The following CADPS variants were observed in gnomAD, a reference collection of about 807,000 sequenced individuals.
CADPS encodes the protein calcium-dependent secretion activator 1.
In CADPS, 57 loss-of-function variants were observed where a neutral mutation model predicts 167.3. That is an observed-to-expected ratio of 0.34 (90% CI 0.28 to 0.42). The LOEUF (loss-of-function observed/expected upper bound fraction) is 0.42. Ranked by LOEUF, CADPS falls within the 20% of genes least tolerant of loss-of-function variation. The pLI, the probability that CADPS is intolerant of heterozygous loss-of-function variation, is 1.00. For synonymous variants in CADPS, 676 were observed against 635.3 expected (o/e 1.06, Z -0.96); for missense variants, 1,414 against 1,738.1 (o/e 0.81, Z 3.32).
intron 6 of CADPS, among the ~76,000 whole-genome samples, chr3:62,600,993 G>A (rs1054696312): frequency 2.0e-5 from 3 of 152,070 alleles, no homozygotes; most frequent in Non-Finnish European, 4.4e-5. Flanking sequence ...AGTCCTTGAC[G>A]GAAGGATATG....
At chr3:62,430,358 T>C (rs1399608948) in intron 28 of CADPS, among the ~76,000 whole-genome samples, 3 of 152,266 alleles carry the variant, frequency 2.0e-5, no homozygotes, top group East Asian at 1.9e-4. Flanking sequence ...TTCACTGCAA[T>C]AGGGCATCAG....
At chr3:62,517,466 T>A (rs9818412) in intron 14 of CADPS, among the ~76,000 whole-genome samples, 20,648 of 152,204 alleles carry the variant, frequency 0.14, 2,251 homozygotes, top group African/African-American at 0.31. Flanking sequence ...ATGCCACGAG[T>A]TAATACTTCT....
At chr3:62,774,287 T>TA (rs950618229) in intron 1 of CADPS, among the ~76,000 whole-genome samples, 32 of 149,070 alleles carry the variant, frequency 2.1e-4, no homozygotes, top group African/African-American at 6.7e-4. Context: ...CCGATAACAT[T>TA]AAAAAAAAAG....
intron 28 of CADPS, among the ~76,000 whole-genome samples, chr3:62,432,721 C>A (rs1055273423): frequency 9.9e-5 from 15 of 152,130 alleles, no homozygotes; most frequent in Non-Finnish European, 1.9e-4. Flanking sequence ...GATTATCATC[C>A]CTGTTATATA....
At chr3:62,503,556 C>T (rs573839476) in intron 17 of CADPS, among the ~76,000 whole-genome samples, 30 of 152,240 alleles carry the variant, frequency 2.0e-4, no homozygotes, top group African/African-American at 1.9e-4. Flanking sequence ...TATTCTTGCT[C>T]CCTTTGTGGA....
chr3:62,609,717 A>G (rs1011175290), intron 6 of CADPS, among the ~76,000 whole-genome samples: 2 of 152,190 alleles, frequency 1.3e-5, no homozygotes, highest in African/African-American at 4.8e-5. Context: ...AACACATGGT[A>G]TGGCTTGAAT....
At chr3:62,684,866 G>T (rs2077724393) in intron 3 of CADPS, among the ~76,000 whole-genome samples, 1 of 151,890 alleles carries the variant, frequency 6.6e-6, no homozygotes, top group Admixed American at 6.6e-5. Context: ...GACAGTTTCT[G>T]GGAAAGGGGC....
intron 28 of CADPS, chr3:62,403,672 G>T (rs1707252183): frequency 6.6e-6 from 1 of 152,258 alleles, no homozygotes; most frequent in South Asian, 2.1e-4. Context: ...ATTGGGCTGA[G>T]AGCCTTAGGA....
intron 2 of CADPS, 33 bp downstream of exon 2, chr3:62,765,838 G>A: frequency 2.1e-6 from 3 of 1,418,680 alleles, no homozygotes; most frequent in Non-Finnish European, 3.0e-6. Context: ...GGGCTTGAGT[G>A]GTCTTGGCAT....
chr3:62,759,388 A>G (rs960070166), intron 2 of CADPS, among the ~76,000 whole-genome samples: 3 of 152,192 alleles, frequency 2.0e-5, no homozygotes, highest in Admixed American at 2.0e-4. Context: ...GCCATGAAAA[A>G]AGATATATAT....
chr3:62,689,667 T>C (rs1486955384), intron 3 of CADPS, among the ~76,000 whole-genome samples: 2 of 152,120 alleles, frequency 1.3e-5, no homozygotes, highest in African/African-American at 2.4e-5. Context: ...CCTGACATTA[T>C]AGAATTTCTT....
At chr3:62,575,626 A>G (rs1578097059) in intron 8 of CADPS, among the ~76,000 whole-genome samples, 1 of 152,236 alleles carries the variant, frequency 6.6e-6, no homozygotes, top group Admixed American at 6.5e-5. Flanking sequence ...TAACTTTCCT[A>G]GGTTCCACAG....
intron 1 of CADPS, among the ~76,000 whole-genome samples, chr3:62,827,411 T>C (rs910768248): frequency 6.6e-6 from 1 of 152,176 alleles, no homozygotes. Flanking sequence ...TTAACCCTTA[T>C]AACCCCCATG....
At position 62,601,729 on chromosome 3, in the gene CADPS, A is replaced by G. The variant is rs1417933694; in HGVS notation, c.1326-8981T>C. Among the ~76,000 whole-genome samples the G allele has an allele frequency of 6.6e-6, 1 of 152,210 alleles. No individual in the cohort carries two copies. The highest frequency in any genetic ancestry group is 1.5e-5 in the Non-Finnish European group (1 of 68,040). On this transcript the variant is annotated intron_variant, in intron 6 of 29. Coordinates refer to ENST00000383710, the MANE Select transcript of CADPS (RefSeq NM_003716.4). This position sits in a 1 kb window ranked among gnomAD's most constrained non-coding sequence, Gnocchi z 4.3. ...CACTACATCATTATTAATATCAAAT[A>G]ATAAACATGAGTAGCAGATGATTCA...
Position 62,420,904 on chromosome 3 carries a change from GCA to G in CADPS, c.3777+17198_3777+17199del, listed in dbSNP as rs141562033. On this transcript the variant is annotated intron_variant, in intron 28 of 29. Transcript: ENST00000383710. This position sits in a 1 kb window ranked among gnomAD's most constrained non-coding sequence, Gnocchi z 4.1. ...CACACACACACACACACACACACAGGCACACACACACACACTTGCCAGATCAC... is the reference window on the plus strand; with the variant it reads ...CACACACACACACACACACACACAGGCACACACACACACTTGCCAGATCAC... Among the ~76,000 whole-genome samples the G allele has an allele frequency of 1.7e-4, 13 of 77,952 alleles. No homozygotes were observed. The highest frequency in any genetic ancestry group is 4.3e-4 in the Admixed American group (4 of 9,252). The allele number at this position is 77,952 out of a possible 152,430, so 51.1% of individuals were successfully genotyped here. A position where few individuals can be genotyped will look rare whatever the true frequency, so the allele number is the denominator to read the frequency against.
At position 62,574,243 on chromosome 3, in the gene CADPS, G is replaced by A. The variant is rs150463622; in HGVS notation, c.1578-3305C>T. On this transcript the variant is annotated intron_variant, in intron 8 of 29. Transcript: ENST00000383710. ...ACCTCTTAAATGGGTAAATCAGATCGCCAGTATGCTGATTCTAAATATGAA... is the reference window on the plus strand; with the variant it reads ...ACCTCTTAAATGGGTAAATCAGATCACCAGTATGCTGATTCTAAATATGAA... Among the ~76,000 whole-genome samples, 6 of 152,244 alleles carry A rather than the reference G, an allele frequency of 3.9e-5. No homozygotes were observed. The East Asian group carries it at 5.8e-4, about 15-fold the overall frequency.
chr3:62,584,719 T>C (rs2084202285), intron 8 of CADPS, among the ~76,000 whole-genome samples: 1 of 152,244 alleles, frequency 6.6e-6, no homozygotes, highest in Non-Finnish European at 1.5e-5. Flanking sequence ...TTTTTTCTCA[T>C]TCATTTAAAT....
chr3:62,540,507 G>C (rs1458661380), intron 11 of CADPS, among the ~76,000 whole-genome samples: 1 of 151,870 alleles, frequency 6.6e-6, no homozygotes, highest in East Asian at 1.9e-4. Context: ...TCACACACAT[G>C]GGGATTCAGA....
At chr3:62,546,080 C>T (rs1387119473) in intron 11 of CADPS, among the ~76,000 whole-genome samples, 3 of 151,476 alleles carry the variant, frequency 2.0e-5, no homozygotes, top group African/African-American at 7.3e-5. Context: ...AACAATGACC[C>T]TTACCTTTTT....
Sources: allele counts gnomAD v4.1 joint callset (sites outside exome capture counted in the v4.1 genomes callset), GRCh38; gene constraint gnomAD v4.1.1; non-coding constraint Gnocchi (gnomAD v3.1); transcripts MANE v1.5; gene names NCBI Gene and HGNC (gene_info 2026-07-23, HGNC 2026-07-21).